Variants in DNASE1 observed in about 807,000 individuals in gnomAD.
DNASE1 encodes deoxyribonuclease-1.
Under a neutral mutation model 33.9 loss-of-function variants are expected in DNASE1, and 40 were observed. That is an observed-to-expected ratio of 1.18 (90% CI 0.92 to 1.54). DNASE1 has a LOEUF of 1.54. Among genes scored for constraint, DNASE1 ranks in the 40% most tolerant of loss-of-function variants. The probability of loss-of-function intolerance (pLI) is 0.00; values close to 1 mark genes in which losing one functional copy is unlikely to be tolerated. For missense variants in DNASE1, 518 were observed against 372.6 expected (o/e 1.39, Z -3.21); for synonymous variants, 216 against 160.0 (o/e 1.35, Z -2.64).
rs1171962475 is a variant in DNASE1 at position 3,654,902 on chromosome 16, G to A, written c.-144G>A. ...TCCGGAGCCCAGCAGCACTGCCAGG[G>A]CCTTGAAGTGCTTCTTCAGAGACCT... On this transcript the variant is annotated 5_prime_UTR_variant, in exon 1 of 9. Coordinates refer to ENST00000246949, the MANE Select transcript of DNASE1 (RefSeq NM_005223.4). 2 of 447,330 alleles carry A rather than the reference G, an allele frequency of 4.5e-6. No individual in the cohort carries two copies. Among genetic ancestry groups the A allele is most frequent in the African/African-American group, 4.0e-5 (2 of 49,460 alleles). The allele number at this position is 447,330 out of a possible 1,614,324, so 27.7% of individuals were successfully genotyped here.
rs1567211156 is a variant in DNASE1, at chr16:3,656,734, G to A, written c.417G>A (p.Arg139=). The A allele has an allele frequency of 1.9e-6, 3 of 1,611,030 alleles. No homozygotes were observed. Among genetic ancestry groups the A allele is most frequent in the Non-Finnish European group, 2.5e-6 (3 of 1,178,604 alleles). ...DTFNREPAIV[R]FFSRFTEVRE... ...TCAACCGAGAGCCAGCCATTGTCAG[G>A]TTCTTCTCCCGGTTCACAGGTGGGT... Residue 139 remains arginine (R), a synonymous_variant, in exon 5 of 9, where the codon AGG becomes AGA. Transcript: ENST00000246949.
chr16:3,638,060 TA>T (rs2041922904), upstream of DNASE1, among the ~76,000 whole-genome samples: 1 of 152,106 alleles, frequency 6.6e-6, no homozygotes, highest in South Asian at 2.1e-4. Flanking sequence ...TTTTTAATGA[TA>T]TTTTTGGTAG....
upstream of DNASE1, among the ~76,000 whole-genome samples, chr16:3,641,444 C>G (rs1178481513): frequency 6.6e-6 from 1 of 152,214 alleles, no homozygotes; most frequent in African/African-American, 2.4e-5. Flanking sequence ...GGCAGGCCCT[C>G]TGGGGAGCCC....
intron 1 of DNASE1, among the ~76,000 whole-genome samples, chr16:3,644,109 A>C (rs964816413): frequency 5.3e-5 from 8 of 152,358 alleles, no homozygotes; most frequent in East Asian, 3.9e-4. Flanking sequence ...TTCATAAAAA[A>C]TATAATGGAA....
At chr16:3,656,006 C>T in intron 3 of DNASE1, 69 bp downstream of exon 3, 5 of 1,611,564 alleles carry the variant, frequency 3.1e-6, no homozygotes, top group South Asian at 1.1e-5. Flanking sequence ...TTCACTTGGG[C>T]CCCAAGGGTG....
In DNASE1 at chr16:3,657,003, C is replaced by A; in HGVS notation, c.441C>A (p.Val147=). Residue 147 remains valine, a synonymous_variant, in exon 6 of 9, where the codon GTC becomes GTA. Coordinates refer to ENST00000246949, the MANE Select transcript of DNASE1 (RefSeq NM_005223.4). The part of the protein sequence containing the change: ...IVRFFSRFTE[V]REFAIVPLHA... ...ACGACGTGGCTGTCTCCACAGAGGT[C>A]AGGGAGTTTGCCATTGTTCCCCTGC... The A allele has an allele frequency of 3.1e-6, 5 of 1,613,630 alleles. No individual in the cohort carries two copies. The highest frequency in any genetic ancestry group is 4.2e-6 in the Non-Finnish European group (5 of 1,179,934).
chr16:3,617,313 C>A (rs10083805), intron 1 of DNASE1, among the ~76,000 whole-genome samples: 1 of 95,064 alleles, frequency 1.1e-5, no homozygotes, highest in Non-Finnish European at 1.8e-5. Flanking sequence ...TCAACAAGAG[C>A]GAAACTCCAT....
chr16:3,642,083 C>G (rs1221745836), upstream of DNASE1, among the ~76,000 whole-genome samples: 1 of 152,204 alleles, frequency 6.6e-6, no homozygotes, highest in South Asian at 2.1e-4. Flanking sequence ...CAGACTAGCA[C>G]AGAGTTCCTG....
intron 1 of DNASE1, 102 bp from the exon 2 acceptor site, chr16:3,655,271 G>C (rs1236661465): frequency 2.0e-6 from 3 of 1,536,710 alleles, no homozygotes; most frequent in African/African-American, 2.7e-5. Flanking sequence ...CCCTGACCTT[G>C]AGCTCCACCA....
At chr16:3,622,298 C>A (rs2041350011) in intron 1 of DNASE1, among the ~76,000 whole-genome samples, 1 of 151,264 alleles carries the variant, frequency 6.6e-6, no homozygotes, top group African/African-American at 2.4e-5. Flanking sequence ...CACACACTCA[C>A]AGAATATATC....
At chr16:3,651,699 T>C (rs368331504), upstream of DNASE1, 11 of 152,724 alleles carry the variant, frequency 7.2e-5, no homozygotes, top group East Asian at 3.9e-4. Context: ...CCCAGGGAGC[T>C]GCAGTCTCTC....
At chr16:3,625,198 T>C (rs1381673770) in intron 1 of DNASE1, among the ~76,000 whole-genome samples, 1 of 152,110 alleles carries the variant, frequency 6.6e-6, no homozygotes, top group East Asian at 1.9e-4. Flanking sequence ...CCCAGCTACT[T>C]GGGAGGCTGA....
intron 1 of DNASE1, among the ~76,000 whole-genome samples, chr16:3,623,622 GAAAA>G (rs1224587859): frequency 1.3e-5 from 2 of 151,062 alleles, no homozygotes; most frequent in South Asian, 2.1e-4. Context: ...ATCTCAACAA[GAAAA>G]AAAAACCCAT....
intron 1 of DNASE1, among the ~76,000 whole-genome samples, chr16:3,647,859 A>T (rs184601251): frequency 3.5e-4 from 52 of 149,148 alleles, no homozygotes; most frequent in African/African-American, 1.2e-3. Flanking sequence ...AAAAAGAACA[A>T]TTTTTTTTTT....
intron 2 of DNASE1, 138 bp from the exon 3 acceptor site, chr16:3,655,711 G>C (rs2042560818): frequency 2.2e-6 from 3 of 1,385,166 alleles, no homozygotes; most frequent in Non-Finnish European, 3.0e-6. Flanking sequence ...CTGGCTGGCA[G>C]CAGGAGCCCA....
chr16:3,658,962 G>A, downstream of DNASE1: 7 of 1,232,228 alleles, frequency 5.7e-6, no homozygotes, highest in Non-Finnish European at 8.2e-6. Context: ...AAGAAGCACA[G>A]TAAGACTGTC....
Position 3,656,674 on chromosome 16 carries a change from CGAT to C in DNASE1, c.362_364del (p.Asp121del), listed in dbSNP as rs749069636. The C allele has an allele frequency of 2.8e-5, 45 of 1,613,118 alleles. No homozygotes were observed. Among genetic ancestry groups the C allele is most frequent in the Non-Finnish European group, 3.8e-5 (45 of 1,179,702 alleles). ...TGTCTGCGGTGGACAGCTACTACTA[CGAT>C]GATGGCTGCGAGCCCTGCGGGAACG... On this transcript the variant is annotated inframe_deletion, in exon 5 of 9. Transcript: ENST00000246949.
chr16:3,651,958 CAT>C (rs1006844554), upstream of DNASE1: 3 of 152,416 alleles, frequency 2.0e-5, no homozygotes, highest in African/African-American at 7.2e-5. Flanking sequence ...CAGAGGAAGA[CAT>C]AGAGGCTCCA....
rs117890873 is a variant in DNASE1 at position 3,657,493 on chromosome 16, C to T, written c.704+152C>T. 1,203 of 1,282,038 alleles carry T rather than the reference C, an allele frequency of 9.4e-4. 16 individuals carry two copies. In the East Asian group the frequency reaches 0.025, roughly 27 times the overall value. 79.4% of individuals were successfully genotyped at this position (1,282,038 alleles called of 1,614,324 possible). A position where few individuals can be genotyped will look rare whatever the true frequency, so the allele number is the denominator to read the frequency against. Reference sequence around the variant, plus strand: ...ACAGGGAACAGAATAACAAGAGCCACGATTTTTAGGTTTTTTCGGAAAAGC... The same window carrying T: ...ACAGGGAACAGAATAACAAGAGCCATGATTTTTAGGTTTTTTCGGAAAAGC... On this transcript the variant is annotated intron_variant, in intron 7 of 8. Transcript: ENST00000246949.
Sources: gnomAD v4.1 joint callset for allele counts (sites outside exome capture counted in the v4.1 genomes callset) on GRCh38, gnomAD v4.1.1 for gene constraint, MANE v1.5 for transcripts, NCBI Gene and HGNC (gene_info 2026-07-23, HGNC 2026-07-21) for gene names.